The following NEBL variants were observed in gnomAD, a reference collection of about 807,000 sequenced individuals.
NEBL encodes nebulette.
A neutral mutation model predicts 140.2 loss-of-function variants in NEBL; 122 were observed. The ratio of observed to expected loss-of-function variants is 0.87; its 90% CI spans 0.75 to 1.01. The LOEUF (loss-of-function observed/expected upper bound fraction) is 1.01, where lower values mean the gene tolerates loss of function less well. Among genes scored for constraint, NEBL ranks in the 50% least tolerant of loss-of-function variants. The pLI is 0.00. For missense variants in NEBL, 1,365 were observed against 1,231.3 expected (o/e 1.11, Z -1.62); for synonymous variants, 436 against 398.9 (o/e 1.09, Z -1.11).
intron 2 of NEBL, among the ~76,000 whole-genome samples, chr10:21,109,190 T>G (rs1174003618): frequency 6.6e-6 from 1 of 152,174 alleles, no homozygotes; most frequent in East Asian, 1.9e-4. Flanking sequence ...CCTAGTTTAT[T>G]GAGAGTTTTT....
chr10:21,119,925 T>C (rs1838455493), intron 2 of NEBL, among the ~76,000 whole-genome samples: 1 of 152,138 alleles, frequency 6.6e-6, no homozygotes, highest in Non-Finnish European at 1.5e-5. Context: ...TGATATTTCC[T>C]AAGAGGATAA....
chr10:21,029,801 G>A (rs1833702117), intron 2 of NEBL: 2 of 729,948 alleles, frequency 2.7e-6, no homozygotes, highest in East Asian at 2.5e-5. Flanking sequence ...CAGAGACTAT[G>A]CTAGAGGCTA....
At chr10:21,118,911 C>T (rs939382331) in intron 2 of NEBL, among the ~76,000 whole-genome samples, 3 of 152,132 alleles carry the variant, frequency 2.0e-5, no homozygotes, top group Admixed American at 6.6e-5. Flanking sequence ...CACAAAGAAG[C>T]TTAGAGACAT....
chr10:20,848,314 G>A (rs1201326508), intron 11 of NEBL, among the ~76,000 whole-genome samples: 1 of 152,220 alleles, frequency 6.6e-6, no homozygotes, highest in Non-Finnish European at 1.5e-5. Context: ...TCCATTAAAT[G>A]TAAATTTTTG....
chr10:21,101,689 C>T (rs1344257922), intron 2 of NEBL, among the ~76,000 whole-genome samples: 2 of 152,162 alleles, frequency 1.3e-5, no homozygotes, highest in African/African-American at 4.8e-5. Flanking sequence ...TATGTACCCC[C>T]ACAATTTATG....
At chr10:20,794,839 T>C (rs1367198721) in intron 26 of NEBL, among the ~76,000 whole-genome samples, 2 of 152,344 alleles carry the variant, frequency 1.3e-5, no homozygotes, top group African/African-American at 4.8e-5. Flanking sequence ...CAATTTGGGA[T>C]GTTCGGTTTT....
intron 11 of NEBL, among the ~76,000 whole-genome samples, chr10:20,849,530 T>G (rs959695595): frequency 2.0e-5 from 3 of 152,096 alleles, no homozygotes; most frequent in Admixed American, 6.6e-5. Flanking sequence ...TTTGTTACCA[T>G]GGGGTTGGGT....
intron 5 of NEBL, among the ~76,000 whole-genome samples, chr10:20,879,822 G>A (rs560991104): frequency 2.3e-4 from 35 of 151,022 alleles, no homozygotes; most frequent in Admixed American, 1.4e-3. Context: ...AGGATGAGGA[G>A]ATTTTAAAAA....
At chr10:21,155,250 C>A (rs1182173438) in intron 2 of NEBL, among the ~76,000 whole-genome samples, 1 of 152,126 alleles carries the variant, frequency 6.6e-6, no homozygotes, top group African/African-American at 2.4e-5. Flanking sequence ...GGGTATCCAT[C>A]CCCTCAAGCA....
chr10:20,856,276 A>C (rs1211310341), intron 9 of NEBL, among the ~76,000 whole-genome samples: 1 of 152,234 alleles, frequency 6.6e-6, no homozygotes, highest in Non-Finnish European at 1.5e-5. Flanking sequence ...GAAACAATTT[A>C]TATTAGACTG....
At chr10:20,931,418 G>C (rs1196007568) in intron 4 of NEBL, among the ~76,000 whole-genome samples, 1 of 152,196 alleles carries the variant, frequency 6.6e-6, no homozygotes, top group African/African-American at 2.4e-5. Context: ...GAAACACTTT[G>C]CCATTTGAAA....
chr10:20,879,656 A>G (rs897943833), intron 5 of NEBL, among the ~76,000 whole-genome samples: 2 of 152,200 alleles, frequency 1.3e-5, no homozygotes, highest in Non-Finnish European at 1.5e-5. Context: ...GGACTAAGTG[A>G]CAGAACAGAC....
intron 2 of NEBL, among the ~76,000 whole-genome samples, chr10:20,890,481 C>G (rs1036932016): frequency 6.6e-6 from 1 of 152,206 alleles, no homozygotes; most frequent in Non-Finnish European, 1.5e-5. Flanking sequence ...TTGTGGCCAA[C>G]GTGGGCTTCC....
intron 2 of NEBL, among the ~76,000 whole-genome samples, chr10:21,061,274 A>G (rs182703194): frequency 2.6e-4 from 39 of 148,702 alleles, no homozygotes; most frequent in Non-Finnish European, 4.3e-4. Context: ...AACATATTAC[A>G]TATTATGTGA....
intron 19 of NEBL, 34 bp downstream of exon 19, chr10:20,823,174 A>C (rs1422800248): frequency 4.0e-6 from 6 of 1,503,718 alleles, no homozygotes; most frequent in Non-Finnish European, 5.5e-6. Flanking sequence ...ATATACAATA[A>C]AATTTTTAAA....
chr10:21,153,931 C>T (rs1405474772), intron 2 of NEBL, among the ~76,000 whole-genome samples: 1 of 151,976 alleles, frequency 6.6e-6, no homozygotes, highest in Non-Finnish European at 1.5e-5. Flanking sequence ...GAAATAAGAC[C>T]ACATGAACAA....
chr10:20,907,974 T>A (rs533614828), intron 4 of NEBL, among the ~76,000 whole-genome samples: 1 of 152,268 alleles, frequency 6.6e-6, no homozygotes, highest in Non-Finnish European at 1.5e-5. Flanking sequence ...ATGCTGACAT[T>A]TTTTGGGAAA....
chr10:20,860,821 A>G (rs1432724050), intron 7 of NEBL, among the ~76,000 whole-genome samples: 1 of 152,134 alleles, frequency 6.6e-6, no homozygotes, highest in Non-Finnish European at 1.5e-5. Flanking sequence ...ACTCTCATCA[A>G]ATATTTTAGG....
chr10:21,274,017 T>C (rs997336705), intron 1 of NEBL, among the ~76,000 whole-genome samples: 1 of 152,198 alleles, frequency 6.6e-6, no homozygotes, highest in Non-Finnish European at 1.5e-5. Flanking sequence ...AACTTGCATC[T>C]GACCAATAGA....
Sources: allele counts gnomAD v4.1 joint callset (sites outside exome capture counted in the v4.1 genomes callset), GRCh38; gene constraint gnomAD v4.1.1; transcripts MANE v1.5; gene names NCBI Gene and HGNC (gene_info 2026-07-23, HGNC 2026-07-21).